CACNB2: variants seen among roughly 807,000 people sequenced by gnomAD.
CACNB2 encodes the protein calcium voltage-gated channel auxiliary subunit beta 2, also known as voltage-dependent L-type calcium channel subunit beta-2.
In CACNB2, 42 loss-of-function variants were observed where a neutral mutation model predicts 73.3. The observed-to-expected ratio is 0.57, with a 90% CI of 0.45 to 0.74. The LOEUF (loss-of-function observed/expected upper bound fraction) is 0.74. Ranked by LOEUF, CACNB2 falls within the 30% of genes least tolerant of loss-of-function variation. CACNB2 has a pLI of 0.00. For missense variants in CACNB2, 940 were observed against 853.0 expected (o/e 1.10, Z -1.27); for synonymous variants, 348 against 310.3 (o/e 1.12, Z -1.28).
intron 3 of CACNB2, among the ~76,000 whole-genome samples, chr10:18,449,167 G>A (rs556409839): frequency 3.9e-5 from 6 of 152,276 alleles, no homozygotes; most frequent in South Asian, 2.1e-4. Context: ...GGTGGATCAC[G>A]AGGTGAGGAG....
At chr10:18,214,687 C>T (rs1485829702) in intron 2 of CACNB2, among the ~76,000 whole-genome samples, 2 of 150,864 alleles carry the variant, frequency 1.3e-5, no homozygotes, top group African/African-American at 4.9e-5. Context: ...AACAGCTGGT[C>T]GGGGAGGTTG....
chr10:18,148,704 G>A (rs534614648), intron 1 of CACNB2, among the ~76,000 whole-genome samples: 6 of 152,192 alleles, frequency 3.9e-5, no homozygotes, highest in African/African-American at 9.6e-5. Flanking sequence ...ATTTAAAAAC[G>A]GTACTGGAGG....
chr10:18,333,037 T>G (rs1254023933), intron 2 of CACNB2, among the ~76,000 whole-genome samples: 1 of 152,176 alleles, frequency 6.6e-6, no homozygotes, highest in Non-Finnish European at 1.5e-5. Context: ...CTCCCATTAT[T>G]TCTAGAATTG....
At chr10:18,450,501 C>G (rs537885003) in intron 3 of CACNB2, among the ~76,000 whole-genome samples, 5 of 152,112 alleles carry the variant, frequency 3.3e-5, no homozygotes, top group Admixed American at 6.5e-5. Flanking sequence ...AGATGTGGGC[C>G]GTAAGGAATC....
chr10:18,151,718 C>T (rs2031572940), intron 2 of CACNB2, among the ~76,000 whole-genome samples: 1 of 152,170 alleles, frequency 6.6e-6, no homozygotes, highest in South Asian at 2.1e-4. Flanking sequence ...GTTTCTTCCT[C>T]TAACCCCTCT....
chr10:18,437,085 A>G (rs2132889215), intron 3 of CACNB2, among the ~76,000 whole-genome samples: 1 of 152,362 alleles, frequency 6.6e-6, no homozygotes, highest in Non-Finnish European at 1.5e-5. Context: ...GAGATTTAAC[A>G]TTTACTTCTA....
At chr10:18,452,919 G>T (rs2047083593) in intron 3 of CACNB2, among the ~76,000 whole-genome samples, 1 of 152,190 alleles carries the variant, frequency 6.6e-6, no homozygotes, top group Non-Finnish European at 1.5e-5. Flanking sequence ...AGACCTGGTT[G>T]AAGAGGCCAA....
intron 3 of CACNB2, among the ~76,000 whole-genome samples, chr10:18,434,805 A>C (rs2132867199): frequency 6.6e-6 from 1 of 152,336 alleles, no homozygotes; most frequent in South Asian, 2.1e-4. Context: ...AATTACAAGA[A>C]TAAGGAAGCA....
chr10:18,226,920 A>G (rs1016829079), intron 2 of CACNB2, among the ~76,000 whole-genome samples: 22 of 152,046 alleles, frequency 1.4e-4, no homozygotes, highest in Admixed American at 9.2e-4. Flanking sequence ...GCCTGGGAAT[A>G]TGGAAAAAAA....
At chr10:18,392,948 C>A (rs942916853) in intron 2 of CACNB2, among the ~76,000 whole-genome samples, 1 of 152,126 alleles carries the variant, frequency 6.6e-6, no homozygotes. Context: ...GTGGCTCACA[C>A]CTGTAATCCC....
At chr10:18,208,114 C>T (rs1056127954) in intron 2 of CACNB2, among the ~76,000 whole-genome samples, 1 of 152,154 alleles carries the variant, frequency 6.6e-6, no homozygotes, top group Non-Finnish European at 1.5e-5. Context: ...CCCTAAAACC[C>T]AAACAGGTAA....
intron 2 of CACNB2, among the ~76,000 whole-genome samples, chr10:18,196,327 C>G (rs181556093): frequency 2.4e-4 from 35 of 147,374 alleles, no homozygotes; most frequent in African/African-American, 8.5e-4. Context: ...GGGTCTTGCT[C>G]TGTTGCCCAG....
intron 2 of CACNB2, among the ~76,000 whole-genome samples, chr10:18,163,785 G>A (rs904450941): frequency 2.0e-5 from 3 of 152,154 alleles, no homozygotes; most frequent in African/African-American, 7.2e-5. Context: ...ACAGGGGCTA[G>A]GTCAAATAAA....
intron 3 of CACNB2, among the ~76,000 whole-genome samples, chr10:18,442,592 C>T (rs2046465224): frequency 6.6e-6 from 1 of 151,080 alleles, no homozygotes; most frequent in Admixed American, 6.6e-5. Flanking sequence ...TTTGGGAGGC[C>T]AAGGAGGGCA....
intron 11 of CACNB2, among the ~76,000 whole-genome samples, chr10:18,534,649 A>G (rs745429279): frequency 3.3e-5 from 5 of 152,184 alleles, no homozygotes; most frequent in African/African-American, 7.2e-5. Context: ...GTTTGAGGGG[A>G]AAAAAAGCCA....
chr10:18,508,097 C>T (rs1564630914), intron 6 of CACNB2, among the ~76,000 whole-genome samples: 1 of 152,128 alleles, frequency 6.6e-6, no homozygotes, highest in East Asian at 1.9e-4. Context: ...AGATACTGAT[C>T]ATGGGCTTTT....
intron 2 of CACNB2, among the ~76,000 whole-genome samples, chr10:18,329,508 A>G (rs2040716123): frequency 8.2e-6 from 1 of 122,568 alleles, no homozygotes; most frequent in African/African-American, 2.9e-5. Context: ...AAAAAAGAAA[A>G]AAAAAAAAAA....
At position 18,195,720 on chromosome 10, in the gene CACNB2, TG is replaced by T. The variant is rs1469475559; in HGVS notation, c.213+44747del. On this transcript the variant is annotated intron_variant, in intron 2 of 13. Transcript: ENST00000324631. The stretch of plus-strand genomic sequence containing the variant: ...TGTGATACCTGCATTCGTTGATAAG[TG>T]GTGGGGCTCACCCCTCAATCTGTGG... Among the ~76,000 whole-genome samples the T allele has an allele frequency of 5.3e-5, 8 of 152,298 alleles. No homozygotes were observed. In the East Asian group the frequency reaches 1.5e-3, roughly 29 times the overall value.
At chr10:18,391,498 C>A (rs2043466444) in intron 2 of CACNB2, among the ~76,000 whole-genome samples, 2 of 152,046 alleles carry the variant, frequency 1.3e-5, no homozygotes, top group African/African-American at 4.8e-5. Flanking sequence ...CATTCCATGC[C>A]TGGCACTATT....
Sources: gnomAD v4.1 joint callset for allele counts (sites outside exome capture counted in the v4.1 genomes callset) on GRCh38, gnomAD v4.1.1 for gene constraint, MANE v1.5 for transcripts, NCBI Gene and HGNC (gene_info 2026-07-23, HGNC 2026-07-21) for gene names.